The following HYDIN variants were observed in gnomAD, a reference collection of about 807,000 sequenced individuals.
HYDIN encodes axonemal central pair apparatus protein HYDIN.
HYDIN carries 132 observed loss-of-function variants against 403.9 expected under a neutral mutation model. The observed-to-expected ratio is 0.33, with a 90% confidence interval of 0.28 to 0.38. The LOEUF (loss-of-function observed/expected upper bound fraction) is 0.38. Ranked by LOEUF, HYDIN falls within the 10% of genes least tolerant of loss-of-function variation. The pLI, the probability that HYDIN is intolerant of heterozygous loss-of-function variation, is 1.00. For synonymous variants in HYDIN, 1,202 were observed against 1,891.7 expected (o/e 0.64, Z 9.46); for missense variants, 2,827 against 5,009.5 (o/e 0.56, Z 13.15).
chr16:70,939,623 T>G (rs571317302), intron 43 of HYDIN, among the ~76,000 whole-genome samples: 1 of 152,342 alleles, frequency 6.6e-6, no homozygotes, highest in African/African-American at 2.4e-5. Context: ...TTATCATTCT[T>G]ATCTGTGATT....
chr16:71,180,425 C>A (rs1363245858), intron 3 of HYDIN, among the ~76,000 whole-genome samples: 1 of 151,940 alleles, frequency 6.6e-6, no homozygotes, highest in Admixed American at 6.6e-5. Flanking sequence ...CAAGCAAATT[C>A]TACCAAACAT....
chr16:71,051,502 C>T (rs777518319), intron 18 of HYDIN, among the ~76,000 whole-genome samples: 8 of 151,878 alleles, frequency 5.3e-5, no homozygotes, highest in African/African-American at 7.2e-5. Flanking sequence ...AAATATTAGC[C>T]GGACGTGGTG....
intron 1 of HYDIN, among the ~76,000 whole-genome samples, chr16:71,200,933 C>G (rs2087971732): frequency 6.6e-6 from 1 of 152,166 alleles, no homozygotes; most frequent in Non-Finnish European, 1.5e-5. Flanking sequence ...CCTCCTCTGT[C>G]TGGGCTCTCC....
intron 83 of HYDIN, among the ~76,000 whole-genome samples, chr16:70,826,771 T>G (rs1372738152): frequency 2.7e-5 from 4 of 145,812 alleles, no homozygotes; most frequent in Non-Finnish European, 5.9e-5. Flanking sequence ...AGATACTTTC[T>G]TTTTTTCTTT....
intron 18 of HYDIN, among the ~76,000 whole-genome samples, chr16:71,037,385 C>T (rs1480546094): frequency 2.6e-5 from 4 of 151,496 alleles, no homozygotes; most frequent in South Asian, 2.1e-4. Context: ...AGAAAAGGAG[C>T]GGCTATGGGG....
At chr16:71,145,954 G>A (rs1186526285) in intron 7 of HYDIN, among the ~76,000 whole-genome samples, 1 of 152,058 alleles carries the variant, frequency 6.6e-6, no homozygotes, top group Non-Finnish European at 1.5e-5. Flanking sequence ...TGATTCTATC[G>A]AGCTATAAGC....
chr16:70,832,288 T>TA (rs1187938081), intron 80 of HYDIN, among the ~76,000 whole-genome samples: 3 of 136,234 alleles, frequency 2.2e-5, no homozygotes, highest in Non-Finnish European at 3.1e-5. Flanking sequence ...AAGGTAAACA[T>TA]ACGCCTACCA....
chr16:71,224,052 A>C (rs1433934423), intron 1 of HYDIN, among the ~76,000 whole-genome samples: 1 of 152,254 alleles, frequency 6.6e-6, no homozygotes, highest in Non-Finnish European at 1.5e-5. Flanking sequence ...CTAAGTGCCC[A>C]TTGATCAACA....
intron 10 of HYDIN, among the ~76,000 whole-genome samples, chr16:71,102,192 T>C (rs573088625): frequency 3.9e-5 from 6 of 151,954 alleles, no homozygotes; most frequent in African/African-American, 9.7e-5. Context: ...TTTAAATGGA[T>C]AGTTACCTCT....
At chr16:71,072,433 T>A (rs1433513023) in intron 13 of HYDIN, among the ~76,000 whole-genome samples, 1 of 152,216 alleles carries the variant, frequency 6.6e-6, no homozygotes, top group East Asian at 1.9e-4. Flanking sequence ...GAAAGACCAC[T>A]GCTGTGACTG....
At chr16:70,904,668 T>C (rs1274240519) in intron 50 of HYDIN, among the ~76,000 whole-genome samples, 2 of 145,948 alleles carry the variant, frequency 1.4e-5, no homozygotes, top group East Asian at 2.0e-4. Context: ...ACCTGGCTAA[T>C]TTTTTGTATT....
chr16:70,942,039 CAG>C (rs1298369199), intron 42 of HYDIN, among the ~76,000 whole-genome samples: 1 of 111,944 alleles, frequency 8.9e-6, no homozygotes, highest in Non-Finnish European at 1.7e-5. Context: ...TTTTTTGAGA[CAG>C]AGTCTCCCTC....
intron 4 of HYDIN, among the ~76,000 whole-genome samples, chr16:71,177,009 A>G (rs77829447): frequency 3.9e-5 from 6 of 152,320 alleles, no homozygotes; most frequent in Non-Finnish European, 8.8e-5. Flanking sequence ...ACCTGGCATG[A>G]GGGTCCTGGA....
chr16:71,228,796 C>T (rs1244334087), intron 1 of HYDIN, among the ~76,000 whole-genome samples: 2 of 152,140 alleles, frequency 1.3e-5, no homozygotes, highest in Admixed American at 1.3e-4. Context: ...TCCAGCCATC[C>T]CATTACTGGG....
intron 62 of HYDIN, 73 bp downstream of exon 62, chr16:70,879,224 A>G: frequency 7.7e-7 from 1 of 1,295,156 alleles, no homozygotes; most frequent in Non-Finnish European, 1.1e-6. Flanking sequence ...GGCATGGCAG[A>G]GGCCCCAGTG....
intron 1 of HYDIN, among the ~76,000 whole-genome samples, chr16:71,225,115 G>A (rs1303696172): frequency 6.6e-6 from 1 of 152,134 alleles, no homozygotes; most frequent in Non-Finnish European, 1.5e-5. Context: ...TTCCCCTATG[G>A]GTGATTTTCT....
intron 25 of HYDIN, among the ~76,000 whole-genome samples, chr16:70,989,566 C>T (rs188327116): frequency 6.6e-6 from 1 of 152,092 alleles, no homozygotes; most frequent in Non-Finnish European, 1.5e-5. Flanking sequence ...TATTTGTATT[C>T]TGATTTTTCA....
rs8052615 is a variant in HYDIN, at chr16:70,806,587, A to G, written c.*993T>C. Among the ~76,000 whole-genome samples the G allele has an allele frequency of 0.27, 41,625 of 152,082 alleles. 7,864 individuals are homozygous for G. The highest frequency in any genetic ancestry group is 0.54 in the African/African-American group (22,384 of 41,434). ...TGCTGCTGGCCCAGGGACCATTTTT[A>G]AGACCCACTTCTTTACGGCATTCAT... On this transcript the variant is annotated 3_prime_UTR_variant, in exon 86 of 86. Transcript: ENST00000393567.
intron 8 of HYDIN, among the ~76,000 whole-genome samples, chr16:71,131,027 T>C (rs1226229972): frequency 8.9e-6 from 1 of 112,134 alleles, no homozygotes; most frequent in Non-Finnish European, 1.8e-5. Flanking sequence ...CATACGACCA[T>C]ATTCCCATCA....
Sources: allele counts gnomAD v4.1 joint callset (sites outside exome capture counted in the v4.1 genomes callset), GRCh38; gene constraint gnomAD v4.1.1; transcripts MANE v1.5; gene names NCBI Gene and HGNC (gene_info 2026-07-23, HGNC 2026-07-21).